Variants in KCNT2 observed in about 807,000 individuals in gnomAD.
KCNT2 encodes the protein potassium sodium-activated channel subfamily T member 2, also known as potassium channel subfamily T member 2.
In KCNT2, 67 loss-of-function variants were observed where a neutral mutation model predicts 153.8. The observed-to-expected ratio is 0.44, with a 90% CI of 0.36 to 0.53. KCNT2 has a LOEUF of 0.53. Ranked by LOEUF, KCNT2 falls within the 20% of genes least tolerant of loss-of-function variation. The pLI, the probability that KCNT2 is intolerant of heterozygous loss-of-function variation, is 0.00. For missense variants in KCNT2, 975 were observed against 1,354.8 expected, an observed-to-expected ratio of 0.72 and a Z score of 4.40; for synonymous variants, 500 against 458.8, an observed-to-expected ratio of 1.09 and a Z score of -1.15.
At chr1:196,444,367 T>A (rs1010804228) in intron 8 of KCNT2, among the ~76,000 whole-genome samples, 2 of 151,382 alleles carry the variant, frequency 1.3e-5, no homozygotes, top group Non-Finnish European at 3.0e-5. Context: ...AAGAATTATG[T>A]TTCCCTTTTT....
chr1:196,489,330 T>A (rs1679681653), intron 3 of KCNT2, among the ~76,000 whole-genome samples: 1 of 151,756 alleles, frequency 6.6e-6, no homozygotes, highest in African/African-American at 2.4e-5. Flanking sequence ...TCATGGAATA[T>A]CCTCTCTAGT....
chr1:196,492,466 A>C, intron 1 of KCNT2, 125 bp from the exon 2 acceptor site: 1 of 805,364 alleles, frequency 1.2e-6, no homozygotes, highest in Non-Finnish European at 1.7e-6. Context: ...TTTTGAAATA[A>C]ATTATTTGAT....
chr1:196,471,038 G>T (rs10801539), intron 5 of KCNT2, among the ~76,000 whole-genome samples: 1 of 150,764 alleles, frequency 6.6e-6, no homozygotes, highest in African/African-American at 2.4e-5. Flanking sequence ...CCACCACCAC[G>T]CCCGGCTAAT....
At chr1:196,238,178 T>C (rs1654613574) in intron 26 of KCNT2, among the ~76,000 whole-genome samples, 1 of 151,930 alleles carries the variant, frequency 6.6e-6, no homozygotes, top group Admixed American at 6.6e-5. Flanking sequence ...ACCTAGCCTT[T>C]ATCCTTGATT....
intron 1 of KCNT2, among the ~76,000 whole-genome samples, chr1:196,506,888 A>G (rs1303320541): frequency 6.6e-6 from 1 of 152,166 alleles, no homozygotes; most frequent in South Asian, 2.1e-4. Context: ...GATGAGGCCT[A>G]TGTCATCATT....
At chr1:196,515,877 T>A (rs1682008599) in intron 1 of KCNT2, among the ~76,000 whole-genome samples, 1 of 151,988 alleles carries the variant, frequency 6.6e-6, no homozygotes. Flanking sequence ...AGTGAGTGAG[T>A]GACCCCAGGG....
intron 26 of KCNT2, among the ~76,000 whole-genome samples, chr1:196,252,260 C>T (rs1004248002): frequency 1.3e-5 from 2 of 151,560 alleles, no homozygotes; most frequent in African/African-American, 2.4e-5. Context: ...AACTTTTGTT[C>T]TGTAAAGAGC....
chr1:196,584,364 C>T (rs1662419892), intron 1 of KCNT2, among the ~76,000 whole-genome samples: 2 of 151,824 alleles, frequency 1.3e-5, no homozygotes, highest in Admixed American at 1.3e-4. Context: ...CATTTCCAAA[C>T]CTGTGATATA....
chr1:196,266,916 C>T (rs146362235), intron 25 of KCNT2, among the ~76,000 whole-genome samples: 19 of 152,334 alleles, frequency 1.2e-4, no homozygotes, highest in Non-Finnish European at 2.2e-4. Context: ...TAGCCTCTTA[C>T]ACTCCTAAAA....
intron 1 of KCNT2, among the ~76,000 whole-genome samples, chr1:196,535,773 TACA>T (rs1655477805): frequency 6.6e-6 from 1 of 152,226 alleles, no homozygotes; most frequent in African/African-American, 2.4e-5. Flanking sequence ...AAGCCATATG[TACA>T]GTGTCAGCAT....
At chr1:196,476,533 A>T (rs1190437223) in intron 5 of KCNT2, among the ~76,000 whole-genome samples, 3 of 152,086 alleles carry the variant, frequency 2.0e-5, no homozygotes, top group African/African-American at 7.2e-5. Context: ...TTATTGATTT[A>T]GTACTTTCTA....
intron 1 of KCNT2, among the ~76,000 whole-genome samples, chr1:196,529,200 C>A (rs1030238357): frequency 7.9e-5 from 12 of 152,036 alleles, no homozygotes; most frequent in Non-Finnish European, 1.5e-4. Flanking sequence ...AAATGTGTGT[C>A]TCTTGTTGAT....
intron 1 of KCNT2, among the ~76,000 whole-genome samples, chr1:196,539,402 A>G (rs771878544): frequency 1.1e-4 from 17 of 152,134 alleles, no homozygotes; most frequent in Non-Finnish European, 2.5e-4. Context: ...CAATCAGTTT[A>G]TGATGTTTGA....
intron 25 of KCNT2, among the ~76,000 whole-genome samples, chr1:196,276,300 C>T (rs757334918): frequency 3.8e-4 from 58 of 151,982 alleles, no homozygotes; most frequent in Non-Finnish European, 7.4e-4. Context: ...TTCCTGCACA[C>T]ATTCTTTCAT....
intron 13 of KCNT2, among the ~76,000 whole-genome samples, chr1:196,393,047 G>C (rs1670619565): frequency 6.6e-6 from 1 of 151,264 alleles, no homozygotes; most frequent in Non-Finnish European, 1.5e-5. Context: ...TCCTTTTCGT[G>C]AACAAATTAC....
intron 1 of KCNT2, among the ~76,000 whole-genome samples, chr1:196,600,843 C>T (rs921844330): frequency 7.9e-5 from 12 of 152,202 alleles, no homozygotes; most frequent in Non-Finnish European, 1.6e-4. Flanking sequence ...TCCATCTCTA[C>T]TCTACATAGG....
In KCNT2 at chr1:196,562,934, T is replaced by C. The variant is rs1195012524; in HGVS notation, c.95+45281A>G. Among the ~76,000 whole-genome samples the C allele has an allele frequency of 2.6e-5, 4 of 152,186 alleles. No homozygotes were observed. In the East Asian group the frequency reaches 5.8e-4, roughly 22 times the overall value. On this transcript the variant is annotated intron_variant, in intron 1 of 27. Coordinates refer to ENST00000294725, the MANE Select transcript of KCNT2 (RefSeq NM_198503.5). The stretch of plus-strand genomic sequence containing the variant: ...CAGAATCTTTGCTTTAAACTCATCC[T>C]AGTTGTCCATTGACCTTCTGTGTAG...
chr1:196,455,204 T>G (rs1676558055), intron 8 of KCNT2, among the ~76,000 whole-genome samples: 1 of 151,960 alleles, frequency 6.6e-6, no homozygotes, highest in Non-Finnish European at 1.5e-5. Context: ...TCAGACTAGG[T>G]CACCTGGATA....
intron 1 of KCNT2, among the ~76,000 whole-genome samples, chr1:196,569,139 TAATC>T (rs1325981441): frequency 6.6e-6 from 1 of 152,162 alleles, no homozygotes; most frequent in Non-Finnish European, 1.5e-5. Context: ...TTTAGCCTCT[TAATC>T]TGTTGAAAAA....
Sources: gnomAD v4.1 joint callset for allele counts (sites outside exome capture counted in the v4.1 genomes callset) on GRCh38, gnomAD v4.1.1 for gene constraint, MANE v1.5 for transcripts, NCBI Gene and HGNC (gene_info 2026-07-23, HGNC 2026-07-21) for gene names.